MASTL: variants seen among roughly 807,000 people sequenced by gnomAD.
MASTL encodes the protein serine/threonine-protein kinase greatwall.
MASTL carries 54 observed loss-of-function variants against 82.5 expected under a neutral mutation model. The observed-to-expected ratio is 0.65, with a 90% CI of 0.53 to 0.82. The LOEUF (loss-of-function observed/expected upper bound fraction) is 0.82. Among genes scored for constraint, MASTL ranks in the 40% least tolerant of loss-of-function variants. The probability of loss-of-function intolerance (pLI) is 0.00; values close to 1 mark genes in which losing one functional copy is unlikely to be tolerated. For synonymous variants in MASTL, 323 were observed against 368.9 expected, an observed-to-expected ratio of 0.88 and a Z score of 1.43; for missense variants, 950 against 1,047.8, an observed-to-expected ratio of 0.91 and a Z score of 1.29.
chr10:27,156,075 A>T (rs1181545157), intron 1 of MASTL, among the ~76,000 whole-genome samples: 1 of 150,316 alleles, frequency 6.7e-6, no homozygotes, highest in Admixed American at 6.6e-5. Flanking sequence ...CGCAATCTCG[A>T]CTCACTGCAA....
intron 11 of MASTL, 119 bp downstream of exon 11, chr10:27,181,700 G>T (rs1476173163): frequency 5.8e-6 from 4 of 684,392 alleles, no homozygotes; most frequent in Non-Finnish European, 7.7e-6. Context: ...CAGCACTTTG[G>T]GAGGCTGAGG....
chr10:27,182,018 T>C (rs2058342653), intron 11 of MASTL, among the ~76,000 whole-genome samples: 1 of 146,210 alleles, frequency 6.8e-6, no homozygotes, highest in African/African-American at 2.6e-5. Flanking sequence ...GAGCTTGCAG[T>C]GAGCCAAGAT....
At chr10:27,178,154 G>A (rs1256845957) in intron 9 of MASTL, among the ~76,000 whole-genome samples, 1 of 152,192 alleles carries the variant, frequency 6.6e-6, no homozygotes, top group Non-Finnish European at 1.5e-5. Context: ...CACTTTGGGA[G>A]GCCGAGTCAG....
chr10:27,164,938 ACT>A, intron 4 of MASTL, 124 bp from the exon 5 acceptor site: 1 of 691,988 alleles, frequency 1.4e-6, no homozygotes, highest in Non-Finnish European at 2.6e-6. Flanking sequence ...GTGCCCAGCC[ACT>A]GTCTCCTTTT....
intron 11 of MASTL, among the ~76,000 whole-genome samples, chr10:27,181,944 G>A (rs1172080781): frequency 2.0e-5 from 3 of 151,724 alleles, no homozygotes; most frequent in African/African-American, 4.8e-5. Context: ...GCATAGTGGC[G>A]GGTGCCTGTA....
Position 27,170,829 on chromosome 10 carries a change from G to A in MASTL, c.1870G>A (p.Glu624Lys), listed in dbSNP as rs556333741. ...AGAAAAGACCTCACCAAAAGGTGTC[G>A]AGAACCCTGCTGTACAAGAGAGTAA... ...CQEKTSPKGV[E>K]NPAVQESNQK... The change falls in exon 8 of 12, where the codon GAG (glutamate) becomes AAG (lysine). Residue 624 changes from glutamate to lysine, a missense_variant. Coordinates refer to ENST00000375940, the MANE Select transcript of MASTL (RefSeq NM_001172303.3). The A allele has an allele frequency of 1.2e-5, 20 of 1,614,134 alleles. No individual in the cohort carries two copies. Among genetic ancestry groups the A allele is most frequent in the African/African-American group, 1.1e-4 (8 of 75,052 alleles).
chr10:27,171,827 T>TTC (rs1452110881), intron 8 of MASTL, among the ~76,000 whole-genome samples: 1 of 115,378 alleles, frequency 8.7e-6, no homozygotes, highest in Non-Finnish European at 1.7e-5. Flanking sequence ...ATATGTTTCT[T>TTC]TTTTTTTTTT....
At position 27,170,817 on chromosome 10, in the gene MASTL, C is replaced by G. The variant is rs3802526; in HGVS notation, c.1858C>G (p.Pro620Ala). ...VTPDCQEKTS[P>A]KGVENPAVQE... Reference sequence around the variant, plus strand: ...ACCAGATTGCCAAGAAAAGACCTCACCAAAAGGTGTCGAGAACCCTGCTGT... The same window carrying G: ...ACCAGATTGCCAAGAAAAGACCTCAGCAAAAGGTGTCGAGAACCCTGCTGT... Residue 620 changes from proline to alanine, a missense_variant, in exon 8 of 12, where the codon CCA (proline) becomes GCA (alanine). Coordinates refer to ENST00000375940, the MANE Select transcript of MASTL (RefSeq NM_001172303.3). 0.065 allele frequency: 105,236 copies of G among 1,613,964 alleles called. 4,616 individuals are homozygous for G. The highest frequency in any genetic ancestry group is 0.2 in the East Asian group (8,989 of 44,840).
intron 9 of MASTL, among the ~76,000 whole-genome samples, chr10:27,180,008 T>TGGTAATC (rs2058221644): frequency 6.6e-6 from 1 of 152,236 alleles, no homozygotes; most frequent in African/African-American, 2.4e-5. Flanking sequence ...CTGTGGTAAT[T>TGGTAATC]GGTAATCTAA....
chr10:27,178,930 G>C (rs1374263878), intron 9 of MASTL, among the ~76,000 whole-genome samples: 1 of 152,066 alleles, frequency 6.6e-6, no homozygotes, highest in Admixed American at 6.6e-5. Context: ...ATTCCTTTAA[G>C]GGAAGATGGG....
At position 27,172,134 on chromosome 10, in the gene MASTL, T is replaced by A. The variant is rs958375848; in HGVS notation, c.2125-984T>A. ...GAGCCACCATGCCCAGCGAAAAATA[T>A]ATATTTCAAAGCTTACTCTCTATAT... On this transcript the variant is annotated intron_variant, in intron 8 of 11. Transcript: ENST00000375940. Among the ~76,000 whole-genome samples the A allele has an allele frequency of 3.9e-5, 6 of 152,130 alleles. No homozygotes were observed. The South Asian group carries it at 8.3e-4, about 21-fold the overall frequency.
At chr10:27,158,328 G>A (rs2057460537) in intron 1 of MASTL, among the ~76,000 whole-genome samples, 1 of 152,150 alleles carries the variant, frequency 6.6e-6, no homozygotes, top group Non-Finnish European at 1.5e-5. Flanking sequence ...GCAACGTAGT[G>A]AGACCTTGTC....
At chr10:27,185,812 G>A (rs1025677413) in intron 11 of MASTL, among the ~76,000 whole-genome samples, 4 of 149,668 alleles carry the variant, frequency 2.7e-5, no homozygotes, top group Admixed American at 6.7e-5. Flanking sequence ...TGTGAGTGCC[G>A]GGCATGGTGA....
chr10:27,185,164 T>C (rs146226686), intron 11 of MASTL, among the ~76,000 whole-genome samples: 1 of 152,282 alleles, frequency 6.6e-6, no homozygotes, highest in Non-Finnish European at 1.5e-5. Flanking sequence ...GTGAGCTTCA[T>C]GCTAAAGCTG....
In MASTL at chr10:27,170,410, T is replaced by G; in HGVS notation, c.1451T>G (p.Leu484Ter). The change falls in exon 8 of 12, where the codon TTA (leucine) becomes TGA (stop). Residue 484 changes from leucine to a stop codon, truncating the protein, a stop_gained. Transcript: ENST00000375940. LOFTEE classifies it high-confidence loss of function. Reference protein sequence around the residue: ...TNCYTNQNTGLTVEVQDLKLS... With the variant: ...TNCYTNQNTG ...TGTTATACAAATCAAAATACAGGCTTAACAGTTGAAGTGCAGGACCTTAAG... is the reference window on the plus strand; with the variant it reads ...TGTTATACAAATCAAAATACAGGCTGAACAGTTGAAGTGCAGGACCTTAAG... The G allele has an allele frequency of 6.2e-7, 1 of 1,614,068 alleles. No individual in the cohort carries two copies. The highest frequency in any genetic ancestry group is 2.2e-5 in the East Asian group (1 of 44,874).
intron 9 of MASTL, among the ~76,000 whole-genome samples, chr10:27,179,818 A>G (rs915691612): frequency 6.6e-6 from 1 of 152,208 alleles, no homozygotes. Flanking sequence ...TTGCTGCCTT[A>G]TCTCATACCT....
In MASTL at chr10:27,167,269, T is replaced by G; in HGVS notation, c.979T>G (p.Cys327Gly). 1 of 1,613,416 alleles carries G rather than the reference T, an allele frequency of 6.2e-7. No individual in the cohort carries two copies. The highest frequency in any genetic ancestry group is 8.5e-7 in the Non-Finnish European group (1 of 1,179,356). ...CAGCAGTCCCAAATGGGAAAAAGAT[T>G]GCCAGGTTTGAGGGACATTTATCTT... ...CHSSPKWEKD[C>G]QESDEALGPT... The change falls in exon 7 of 12, where the codon TGC becomes GGC. Residue 327 changes from cysteine to glycine, a missense_variant. Physicochemically the swap from Cys to Gly is radical, Grantham distance 159 (BLOSUM62 -3). Transcript: ENST00000375940.
In MASTL at chr10:27,167,261, A is replaced by G. The variant is rs1325504629; in HGVS notation, c.971A>G (p.Glu324Gly). 6.2e-7 allele frequency: 1 copy of G among 1,612,984 alleles called. No individual in the cohort carries two copies. The highest frequency in any genetic ancestry group is 1.3e-5 in the African/African-American group (1 of 74,924). The change falls in exon 7 of 12, where the codon GAA (glutamate) becomes GGA (glycine). Residue 324 changes from glutamate to glycine, a missense_variant. Transcript: ENST00000375940. ...GAATGCCACAGCAGTCCCAAATGGG[A>G]AAAAGATTGCCAGGTTTGAGGGACA... ...ESECHSSPKW[E>G]KDCQESDEAL...
At chr10:27,172,038 A>G (rs2057964404) in intron 8 of MASTL, among the ~76,000 whole-genome samples, 1 of 151,834 alleles carries the variant, frequency 6.6e-6, no homozygotes, top group South Asian at 2.1e-4. Flanking sequence ...CACGTTGGCC[A>G]GGATGGTCTC....
Sources: allele counts gnomAD v4.1 joint callset (sites outside exome capture counted in the v4.1 genomes callset), GRCh38; gene constraint gnomAD v4.1.1; transcripts MANE v1.5; gene names NCBI Gene and HGNC (gene_info 2026-07-23, HGNC 2026-07-21).